The following ANKRD44 variants were observed in gnomAD, a reference collection of about 807,000 sequenced individuals.
The protein encoded by ANKRD44 is serine/threonine-protein phosphatase 6 regulatory ankyrin repeat subunit B.
A neutral mutation model predicts 116.0 loss-of-function variants in ANKRD44; 35 were observed. The observed-to-expected ratio is 0.30, with a 90% CI of 0.23 to 0.40. ANKRD44 has a LOEUF of 0.40. Ranked by LOEUF, ANKRD44 falls within the 10% of genes least tolerant of loss-of-function variation. The pLI is 1.00. For missense variants in ANKRD44, 1,014 were observed against 1,242.6 expected (o/e 0.82, Z 2.77); for synonymous variants, 435 against 461.8 (o/e 0.94, Z 0.74).
chr2:197,025,885 TG>T (rs1473764399), intron 16 of ANKRD44, among the ~76,000 whole-genome samples: 2 of 151,950 alleles, frequency 1.3e-5, no homozygotes, highest in African/African-American at 4.8e-5. Context: ...AGGACAAACA[TG>T]GTAAGATCAA....
At chr2:197,105,460 T>C (rs2078403830) in intron 9 of ANKRD44, among the ~76,000 whole-genome samples, 1 of 152,162 alleles carries the variant, frequency 6.6e-6, no homozygotes, top group South Asian at 2.1e-4. Context: ...ATCACTTCTG[T>C]AAAGTAATAA....
At chr2:197,251,840 G>A (rs897492476) in intron 1 of ANKRD44, among the ~76,000 whole-genome samples, 3 of 152,234 alleles carry the variant, frequency 2.0e-5, no homozygotes, top group Admixed American at 6.5e-5. Flanking sequence ...AACAACTGAG[G>A]CATAAATGTC....
At chr2:197,255,473 G>A (rs6434921) in intron 1 of ANKRD44, among the ~76,000 whole-genome samples, 51,262 of 152,208 alleles carry the variant, frequency 0.34, 10,613 homozygotes, top group East Asian at 0.64. Flanking sequence ...ATTAACAACC[G>A]TGCAAGCTCC....
intron 1 of ANKRD44, among the ~76,000 whole-genome samples, chr2:197,237,645 G>A (rs539938168): frequency 6.6e-6 from 1 of 152,272 alleles, no homozygotes; most frequent in East Asian, 1.9e-4. Context: ...CACTACAAAA[G>A]AGAATCGCGC....
chr2:197,046,671 C>T (rs1574344006), intron 16 of ANKRD44, among the ~76,000 whole-genome samples: 3 of 149,186 alleles, frequency 2.0e-5, no homozygotes, highest in South Asian at 2.1e-4. Flanking sequence ...TAGTTATTTG[C>T]ACCTGTTCTT....
At chr2:197,012,018 T>C (rs573597411) in intron 18 of ANKRD44, among the ~76,000 whole-genome samples, 1 of 152,340 alleles carries the variant, frequency 6.6e-6, no homozygotes, top group East Asian at 1.9e-4. Flanking sequence ...AAACCTCTCA[T>C]ACTCGTCCTG....
At chr2:196,986,387 C>A (rs2075837532), downstream of ANKRD44, among the ~76,000 whole-genome samples, 1 of 150,434 alleles carries the variant, frequency 6.6e-6, no homozygotes, top group Non-Finnish European at 1.5e-5. Flanking sequence ...TGCCCATCAG[C>A]CTGGACAACA....
chr2:197,066,418 C>T (rs1167419467), intron 16 of ANKRD44, among the ~76,000 whole-genome samples: 8 of 152,090 alleles, frequency 5.3e-5, no homozygotes, highest in Admixed American at 4.6e-4. Context: ...CTATTCAACA[C>T]AGTGTTGGAA....
chr2:197,161,040 G>A (rs2079947591), intron 2 of ANKRD44, among the ~76,000 whole-genome samples: 1 of 152,088 alleles, frequency 6.6e-6, no homozygotes, highest in Non-Finnish European at 1.5e-5. Context: ...ACAAAAAAAA[G>A]GAAGTATTCT....
intron 8 of ANKRD44, among the ~76,000 whole-genome samples, chr2:197,115,758 C>CA (rs1381956231): frequency 6.6e-6 from 1 of 152,170 alleles, no homozygotes; most frequent in East Asian, 1.9e-4. Context: ...AGAGAGATAA[C>CA]AACTTTAATT....
rs1055561875 is a variant in ANKRD44, at chr2:196,999,881, C to A, written c.2519+538G>T. On this transcript the variant is annotated intron_variant, in intron 23 of 27. Transcript: ENST00000282272. ...GTGCTGGGATTACAGGCGTGAGCCACTGTACCCTGCCCAGACACACATATG... is the reference window on the plus strand; with the variant it reads ...GTGCTGGGATTACAGGCGTGAGCCAATGTACCCTGCCCAGACACACATATG... 4.6e-5 allele frequency among the ~76,000 whole-genome samples: 7 copies of A among 152,268 alleles called. No individual in the cohort carries two copies. The South Asian group carries it at 1.0e-3, about 23-fold the overall frequency.
chr2:197,170,412 A>T (rs1574600020), intron 2 of ANKRD44, among the ~76,000 whole-genome samples: 1 of 152,180 alleles, frequency 6.6e-6, no homozygotes, highest in East Asian at 1.9e-4. Context: ...CCTCCTAAAC[A>T]CTTGTCAGAC....
rs183445697 is a variant in ANKRD44 at position 197,022,955 on chromosome 2, C to T, written c.1722+2241G>A. Reference sequence around the variant, plus strand: ...ATCTGTCATTTGAGATATTTCCTCGCCTGTTTGTCTCCCCTAGACTGGATA... The same window carrying T: ...ATCTGTCATTTGAGATATTTCCTCGTCTGTTTGTCTCCCCTAGACTGGATA... On this transcript the variant is annotated intron_variant, in intron 17 of 27. Coordinates refer to ENST00000282272, the MANE Select transcript of ANKRD44 (RefSeq NM_001195144.2). Among the ~76,000 whole-genome samples the T allele has an allele frequency of 6.6e-5, 10 of 152,338 alleles. No homozygotes were observed. In the East Asian group the frequency reaches 1.7e-3, roughly 26 times the overall value.
At chr2:197,138,947 G>A (rs1471398458) in intron 3 of ANKRD44, among the ~76,000 whole-genome samples, 1 of 152,120 alleles carries the variant, frequency 6.6e-6, no homozygotes, top group Non-Finnish European at 1.5e-5. Flanking sequence ...CTCAAAATTC[G>A]TCAGGGAGAA....
intron 2 of ANKRD44, among the ~76,000 whole-genome samples, chr2:197,151,072 G>T (rs2079634671): frequency 6.7e-6 from 1 of 148,464 alleles, no homozygotes; most frequent in African/African-American, 2.5e-5. Flanking sequence ...TGTATAGTCT[G>T]GGAATTTACT....
intron 2 of ANKRD44, among the ~76,000 whole-genome samples, chr2:197,164,294 G>A (rs1164251618): frequency 6.6e-6 from 1 of 152,218 alleles, no homozygotes; most frequent in African/African-American, 2.4e-5. Flanking sequence ...CTTGGTGCCT[G>A]CGGTTCTTGA....
intron 1 of ANKRD44, among the ~76,000 whole-genome samples, chr2:197,280,051 CTCTT>C (rs2083218739): frequency 6.6e-6 from 1 of 152,220 alleles, no homozygotes; most frequent in African/African-American, 2.4e-5. Context: ...CCTTATCTCT[CTCTT>C]TCTGTCCAAT....
chr2:196,980,780 C>T (rs1177899086), intron 21 of ANKRD44, among the ~76,000 whole-genome samples: 1 of 152,196 alleles, frequency 6.6e-6, no homozygotes, highest in African/African-American at 2.4e-5. Flanking sequence ...AATAGAAATG[C>T]ACTTGACCAT....
intron 3 of ANKRD44, among the ~76,000 whole-genome samples, chr2:197,142,649 G>T (rs1379454705): frequency 6.6e-6 from 1 of 152,044 alleles, no homozygotes; most frequent in African/African-American, 2.4e-5. Flanking sequence ...GCCAAAATCA[G>T]CATTGCCTGG....
Sources: allele counts gnomAD v4.1 joint callset (sites outside exome capture counted in the v4.1 genomes callset), GRCh38; gene constraint gnomAD v4.1.1; transcripts MANE v1.5; gene names NCBI Gene and HGNC (gene_info 2026-07-23, HGNC 2026-07-21).